Variants in DERA observed in about 807,000 individuals in gnomAD.
The protein encoded by DERA is 2-deoxy-D-ribose 5-phosphate aldolase.
Under a neutral mutation model 41.1 loss-of-function variants are expected in DERA, and 15 were observed. That is an observed-to-expected ratio of 0.37 (90% confidence interval 0.24 to 0.56). The LOEUF is 0.56. DERA is among the 20% of genes least tolerant of loss of function. The pLI, the probability that DERA is intolerant of heterozygous loss-of-function variation, is 0.81. For synonymous variants in DERA, 139 were observed against 137.4 expected, an observed-to-expected ratio of 1.01 and a Z score of -0.08; for missense variants, 396 against 403.4, an observed-to-expected ratio of 0.98 and a Z score of 0.16.
chr12:15,919,061 G>T (rs1003625244), intron 1 of DERA, among the ~76,000 whole-genome samples: 1 of 152,092 alleles, frequency 6.6e-6, no homozygotes, highest in Non-Finnish European at 1.5e-5. Context: ...TTTAACTGGG[G>T]CATCCTTTTG....
chr12:15,944,997 C>G (rs1017892223), intron 1 of DERA, among the ~76,000 whole-genome samples: 4 of 152,148 alleles, frequency 2.6e-5, no homozygotes, highest in Non-Finnish European at 5.9e-5. Context: ...ATCCTTTCCC[C>G]GTTTCTTGTT....
intron 6 of DERA, among the ~76,000 whole-genome samples, chr12:16,024,148 A>G (rs1182019503): frequency 6.6e-6 from 1 of 152,230 alleles, no homozygotes; most frequent in Admixed American, 6.5e-5. Flanking sequence ...CAGAACATCC[A>G]AAAACTTTGG....
At position 16,011,665 on chromosome 12, in the gene DERA, A is replaced by G. The variant is rs1948947765; in HGVS notation, c.638-20877A>G. Among the ~76,000 whole-genome samples, 2 of 152,228 alleles carry G rather than the reference A, an allele frequency of 1.3e-5. No individual in the cohort carries two copies. The highest frequency in any genetic ancestry group is 4.8e-5 in the African/African-American group (2 of 41,452). On this transcript the variant is annotated intron_variant, in intron 6 of 8. Transcript: ENST00000428559. The surrounding 1 kb of genome is among the most constrained non-coding windows in gnomAD (Gnocchi z 4.7). Reference sequence around the variant, plus strand: ...AATCAATGAAAGGCATTTGCCTAACATAGCAAATCCCTTCATCAATAAGGT... The same window carrying G: ...AATCAATGAAAGGCATTTGCCTAACGTAGCAAATCCCTTCATCAATAAGGT...
Position 16,036,754 on chromosome 12 carries a change from A to G in DERA, c.*8A>G. On this transcript the variant is annotated 3_prime_UTR_variant, in exon 9 of 9. Coordinates refer to ENST00000428559, the MANE Select transcript of DERA (RefSeq NM_015954.4). The surrounding 1 kb of genome is among the most constrained non-coding windows in gnomAD (Gnocchi z 4.9). ...GATCTTCCAATGTCTTAAATCAGTC[A>G]CCAGTTCCAGAAAAGTTCTTTACGA... 6.3e-7 allele frequency: 1 copy of G among 1,578,168 alleles called. No homozygotes were observed. Among genetic ancestry groups the G allele is most frequent in the South Asian group, 1.2e-5 (1 of 85,096 alleles).
chr12:15,986,665 C>T (rs892967412), intron 6 of DERA, among the ~76,000 whole-genome samples: 4 of 152,064 alleles, frequency 2.6e-5, no homozygotes, highest in Non-Finnish European at 4.4e-5. Context: ...TATTACAAAC[C>T]TCTTACTACA....
chr12:15,986,392 A>G (rs1002552264), intron 6 of DERA, among the ~76,000 whole-genome samples: 6 of 151,998 alleles, frequency 3.9e-5, no homozygotes, highest in Admixed American at 3.9e-4. Flanking sequence ...GTTTGAATCT[A>G]TTTTTGGTTC....
In DERA at chr12:16,013,680, C is replaced by T. The variant is rs968050208; in HGVS notation, c.638-18862C>T. Among the ~76,000 whole-genome samples the T allele has an allele frequency of 6.6e-6, 1 of 152,124 alleles. No individual in the cohort carries two copies. The highest frequency in any genetic ancestry group is 1.9e-4 in the East Asian group (1 of 5,194). On this transcript the variant is annotated intron_variant, in intron 6 of 8. Transcript: ENST00000428559. The surrounding 1 kb of genome is among the most constrained non-coding windows in gnomAD (Gnocchi z 5.8). Reference sequence around the variant, plus strand: ...AGTGGGACACTGCTATAAGGATACCCGAAAATGCGGAAGCAACTTTGGAAC... The same window carrying T: ...AGTGGGACACTGCTATAAGGATACCTGAAAATGCGGAAGCAACTTTGGAAC...
rs975699318 is a variant in DERA, at chr12:16,012,883, A to C, written c.638-19659A>C. ...TAATAAATCTGCAATATATCATTTT[A>C]ATGTGTAGTGAATATAAAAATTATT... On this transcript the variant is annotated intron_variant, in intron 6 of 8. Coordinates refer to ENST00000428559, the MANE Select transcript of DERA (RefSeq NM_015954.4). This position sits in a 1 kb window ranked among gnomAD's most constrained non-coding sequence, Gnocchi z 4.1. 6.6e-6 allele frequency among the ~76,000 whole-genome samples: 1 copy of C among 152,238 alleles called. No individual in the cohort carries two copies. The highest frequency in any genetic ancestry group is 2.4e-5 in the African/African-American group (1 of 41,462).
Position 15,929,733 on chromosome 12 carries a change from T to C in DERA, c.31+18319T>C, listed in dbSNP as rs78406099. 3.3e-5 allele frequency among the ~76,000 whole-genome samples: 5 copies of C among 152,342 alleles called. No individual in the cohort carries two copies. The East Asian group carries it at 9.6e-4, about 29-fold the overall frequency. ...GTAGTGCAAAGGTACATATACAGTATGTACATATACAGTAGCTACACAACA... is the reference window on the plus strand; with the variant it reads ...GTAGTGCAAAGGTACATATACAGTACGTACATATACAGTAGCTACACAACA... On this transcript the variant is annotated intron_variant, in intron 1 of 8. Transcript: ENST00000428559.
intron 5 of DERA, among the ~76,000 whole-genome samples, chr12:15,968,947 A>C (rs1948642107): frequency 6.6e-6 from 1 of 152,194 alleles, no homozygotes; most frequent in South Asian, 2.1e-4. Context: ...TTGGGTAAAC[A>C]CTTCACTTCT....
At chr12:15,979,840 A>G (rs866878327) in intron 5 of DERA, among the ~76,000 whole-genome samples, 1 of 152,254 alleles carries the variant, frequency 6.6e-6, no homozygotes, top group Non-Finnish European at 1.5e-5. Context: ...AATTTTAACT[A>G]TACTTCAAGA....
chr12:16,026,168 AGGAATAGAAATG>A lies in DERA; in HGVS notation c.638-6373_638-6362del, dbSNP rs1949051663. 6.6e-6 allele frequency among the ~76,000 whole-genome samples: 1 copy of A among 152,062 alleles called. No homozygotes were observed. On this transcript the variant is annotated intron_variant, in intron 6 of 8. Transcript: ENST00000428559. This position sits in a 1 kb window ranked among gnomAD's most constrained non-coding sequence, Gnocchi z 4.4. Reference sequence around the variant, plus strand: ...GCAATTTAAGCCTAAAGCAAACAGGAGGAATAGAAATGAGAACAGAAATGATGAAATTGAAAA... The same window carrying A: ...GCAATTTAAGCCTAAAGCAAACAGGAAGAACAGAAATGATGAAATTGAAAA...
At position 16,011,503 on chromosome 12, in the gene DERA, G is replaced by A. The variant is rs561204410; in HGVS notation, c.638-21039G>A. 2.6e-5 allele frequency among the ~76,000 whole-genome samples: 4 copies of A among 152,218 alleles called. No homozygotes were observed. Among genetic ancestry groups the A allele is most frequent in the African/African-American group, 7.2e-5 (3 of 41,548 alleles). On this transcript the variant is annotated intron_variant, in intron 6 of 8. Transcript: ENST00000428559. The surrounding 1 kb of genome is among the most constrained non-coding windows in gnomAD (Gnocchi z 4.7). ...GTTTCGATTTTGGAGCATTTCAGAC[G>A]TTCAGATTTGGGATGCTCTACTTGT...
intron 6 of DERA, among the ~76,000 whole-genome samples, chr12:16,007,716 T>G (rs1948921660): frequency 6.6e-6 from 1 of 152,226 alleles, no homozygotes; most frequent in Non-Finnish European, 1.5e-5. Flanking sequence ...AATTTCTCGT[T>G]GATTCAGGCC....
chr12:16,033,581 TTGTGTGTGTGTGTGTGTG>T (rs146182174), intron 7 of DERA, among the ~76,000 whole-genome samples: 89 of 127,662 alleles, frequency 7.0e-4, no homozygotes, highest in African/African-American at 2.3e-3. Context: ...GAGAGCAAGG[TTGTGTGTGTGTGTGTGTG>T]TGTGTGTGTG....
chr12:15,917,593 T>C (rs1294860245), intron 1 of DERA, among the ~76,000 whole-genome samples: 1 of 152,208 alleles, frequency 6.6e-6, no homozygotes, highest in Non-Finnish European at 1.5e-5. Flanking sequence ...GTAACTTGCT[T>C]ATTATACCTC....
In DERA at chr12:16,020,725, G is replaced by T. The variant is rs1949012799; in HGVS notation, c.638-11817G>T. On this transcript the variant is annotated intron_variant, in intron 6 of 8. Transcript: ENST00000428559. The surrounding 1 kb of genome is among the most constrained non-coding windows in gnomAD (Gnocchi z 5.5). ...CAGAAATATAGACAATGAAGTCAAG[G>T]CTGAGGAGGTCTCAGATGGAAATGA... Among the ~76,000 whole-genome samples, 1 of 152,204 alleles carries T rather than the reference G, an allele frequency of 6.6e-6. No individual in the cohort carries two copies. The highest frequency in any genetic ancestry group is 1.5e-5 in the Non-Finnish European group (1 of 68,038).
rs1948950137 is a variant in DERA, at chr12:16,012,072, A to G, written c.638-20470A>G. 6.6e-6 allele frequency among the ~76,000 whole-genome samples: 1 copy of G among 152,252 alleles called. No individual in the cohort carries two copies. The highest frequency in any genetic ancestry group is 6.5e-5 in the Admixed American group (1 of 15,276). On this transcript the variant is annotated intron_variant, in intron 6 of 8. Transcript: ENST00000428559. This position sits in a 1 kb window ranked among gnomAD's most constrained non-coding sequence, Gnocchi z 4.1. ...TCAAAAGGGGCAGAGTTTGGTAAAGAAAAGCCTTGTCTTGTACACTGCTGT... is the reference window on the plus strand; with the variant it reads ...TCAAAAGGGGCAGAGTTTGGTAAAGGAAAGCCTTGTCTTGTACACTGCTGT...
chr12:15,929,145 C>T (rs1055301525), intron 1 of DERA, among the ~76,000 whole-genome samples: 1 of 152,326 alleles, frequency 6.6e-6, no homozygotes, highest in Admixed American at 6.5e-5. Context: ...GCATCCAGGC[C>T]ACAGTGATCG....
Sources: allele counts gnomAD v4.1 joint callset (sites outside exome capture counted in the v4.1 genomes callset), GRCh38; gene constraint gnomAD v4.1.1; non-coding constraint Gnocchi (gnomAD v3.1); transcripts MANE v1.5; gene names NCBI Gene and HGNC (gene_info 2026-07-23, HGNC 2026-07-21).